The following LSP1 variants were observed in gnomAD, a reference collection of about 807,000 sequenced individuals.
LSP1 encodes the protein lymphocyte-specific protein 1.
In LSP1, 32 loss-of-function variants were observed where a neutral mutation model predicts 49.3. That is an observed-to-expected ratio of 0.65 (90% CI 0.49 to 0.87). The LOEUF is 0.87. Among genes scored for constraint, LSP1 ranks in the 40% least tolerant of loss-of-function variants. LSP1 has a pLI of 0.00. For missense variants in LSP1, 428 were observed against 442.6 expected (o/e 0.97, Z 0.30); for synonymous variants, 179 against 178.8 (o/e 1.00, Z -0.01).
intron 1 of LSP1, among the ~76,000 whole-genome samples, chr11:1,855,430 G>C (rs1431322484): frequency 6.6e-6 from 1 of 152,146 alleles, no homozygotes; most frequent in Non-Finnish European, 1.5e-5. Flanking sequence ...TCAACACTAG[G>C]TCCAGGGCAG....
In LSP1 at chr11:1,855,431, T is replaced by C. The variant is rs567014512; in HGVS notation, c.53+2234T>C. Among the ~76,000 whole-genome samples, 11 of 152,208 alleles carry C rather than the reference T, an allele frequency of 7.2e-5. No individual in the cohort carries two copies. The South Asian group carries it at 1.7e-3, about 23-fold the overall frequency. On this transcript the variant is annotated intron_variant, in intron 1 of 10. Coordinates refer to ENST00000311604, the MANE Select transcript of LSP1 (RefSeq NM_002339.3). ...CTCAGGACATGCCCTCAACACTAGGTCCAGGGCAGGCCAAGCCCCTCCAGC... is the reference window on the plus strand; with the variant it reads ...CTCAGGACATGCCCTCAACACTAGGCCCAGGGCAGGCCAAGCCCCTCCAGC...
At chr11:1,864,171 C>A (rs145042829) in intron 1 of LSP1, 2 of 982,718 alleles carry the variant, frequency 2.0e-6, no homozygotes, top group Non-Finnish European at 2.4e-6. Flanking sequence ...GGGCTGAGTG[C>A]GAGACGGGGA....
At chr11:1,880,528 A>T in intron 2 of LSP1, 1 of 288,792 alleles carries the variant, frequency 3.5e-6, no homozygotes, top group Non-Finnish European at 6.4e-6. Flanking sequence ...CGAGCCCCCC[A>T]CCAGACTCCC....
chr11:1,855,464 G>C (rs750438945), intron 1 of LSP1, among the ~76,000 whole-genome samples: 4 of 152,202 alleles, frequency 2.6e-5, no homozygotes, highest in Non-Finnish European at 5.9e-5. Flanking sequence ...AGCTGGACAA[G>C]TGGGTCCAGC....
intron 1 of LSP1, chr11:1,866,421 G>A (rs539629614): frequency 2.5e-4 from 361 of 1,434,496 alleles, no homozygotes; most frequent in South Asian, 7.8e-4. Flanking sequence ...AGGGCAGCCC[G>A]GCTCACCCCT....
chr11:1,855,125 G>A (rs1847455821), intron 1 of LSP1, among the ~76,000 whole-genome samples: 1 of 152,198 alleles, frequency 6.6e-6, no homozygotes, highest in Non-Finnish European at 1.5e-5. Flanking sequence ...CCCGCGAATT[G>A]CATGGGGTGC....
intron 1 of LSP1, chr11:1,868,635 C>T: frequency 2.0e-6 from 2 of 984,868 alleles, no homozygotes; most frequent in Non-Finnish European, 2.4e-6. Context: ...CCCATCCAGG[C>T]CTGAGATCCT....
chr11:1,884,628 C>A lies in LSP1; in HGVS notation c.717+47C>A. ...CTGTCAGGTCCCTCCTGCATCCTGG[C>A]ACCATTCCTTCATCCAACCAACGCC... On this transcript the variant is annotated intron_variant, in intron 7 of 10. Coordinates refer to ENST00000311604, the MANE Select transcript of LSP1 (RefSeq NM_002339.3). This position sits in a 1 kb window ranked among gnomAD's most constrained non-coding sequence, Gnocchi z 4.1. The A allele has an allele frequency of 6.6e-7, 1 of 1,526,290 alleles. No individual in the cohort carries two copies. Among genetic ancestry groups the A allele is most frequent in the Non-Finnish European group, 9.1e-7 (1 of 1,102,144 alleles). 94.5% of individuals were successfully genotyped at this position (1,526,290 alleles called of 1,614,324 possible). A position where few individuals can be genotyped will look rare whatever the true frequency, so the allele number is the denominator to read the frequency against.
chr11:1,860,999 A>G (rs948678692), intron 1 of LSP1, among the ~76,000 whole-genome samples: 3 of 152,186 alleles, frequency 2.0e-5, no homozygotes, highest in African/African-American at 7.2e-5. Context: ...GATGAGTAGA[A>G]AGATAGATAG....
chr11:1,864,186 G>A, intron 1 of LSP1: 1 of 987,008 alleles, frequency 1.0e-6, no homozygotes, highest in Non-Finnish European at 1.2e-6. Flanking sequence ...CGGGGAAGGA[G>A]GGGACGGGAC....
At position 1,881,449 on chromosome 11, in the gene LSP1, C is replaced by T. The variant is rs765491711; in HGVS notation, c.209C>T (p.Ser70Leu). ...KQEMLLSLKPSEAPELDEDEG... is the reference protein window; with the variant it reads ...KQEMLLSLKPLEAPELDEDEG... ...ACCCTCAGCCTCAGCCTGAAGCCCT[C>T]GGAGGCCCCTGAACTGGATGAGGAC... The change falls in exon 3 of 11, where the codon TCG becomes TTG. Residue 70 changes from serine (S) to leucine (L), a missense_variant. Ser to Leu is a moderately radical substitution (Grantham distance 145). Transcript: ENST00000311604. The T allele has an allele frequency of 4.3e-5, 67 of 1,576,152 alleles. No homozygotes were observed. Among genetic ancestry groups the T allele is most frequent in the African/African-American group, 2.4e-4 (18 of 74,266 alleles).
At chr11:1,857,734 T>G (rs1378667936) in intron 1 of LSP1, among the ~76,000 whole-genome samples, 2 of 152,178 alleles carry the variant, frequency 1.3e-5, no homozygotes, top group African/African-American at 4.8e-5. Flanking sequence ...AAGCGTTCAC[T>G]CCATGCCAGT....
intron 1 of LSP1, among the ~76,000 whole-genome samples, chr11:1,861,187 T>G (rs1847619840): frequency 2.6e-5 from 4 of 152,210 alleles, no homozygotes; most frequent in South Asian, 2.1e-4. Context: ...CTTTCATATA[T>G]AAAGACCCAA....
At chr11:1,878,464 C>A (rs1848401968) in intron 1 of LSP1, among the ~76,000 whole-genome samples, 1 of 151,838 alleles carries the variant, frequency 6.6e-6, no homozygotes, top group South Asian at 2.1e-4. Flanking sequence ...GCAGGACAGG[C>A]AGGCGGATTC....
intron 1 of LSP1, chr11:1,869,130 G>C: frequency 1.5e-5 from 8 of 539,628 alleles, no homozygotes; most frequent in East Asian, 1.3e-4. Context: ...CTTGGCCCCT[G>C]CCCCAGGCTC....
At chr11:1,865,041 CCAGGAGAGG>C (rs1847740477) in intron 1 of LSP1, 1 of 202,696 alleles carries the variant, frequency 4.9e-6, no homozygotes. Context: ...GTGAGAGGGG[CCAGGAGAGG>C]CAGGAAAGCC....
At chr11:1,870,931 G>C (rs75957079) in intron 1 of LSP1, 1 of 985,694 alleles carries the variant, frequency 1.0e-6, no homozygotes, top group Non-Finnish European at 1.2e-6. Context: ...CCCGAGGGCC[G>C]TCGAGCAAAG....
intron 1 of LSP1, among the ~76,000 whole-genome samples, chr11:1,858,468 C>A (rs1263221326): frequency 6.6e-6 from 1 of 152,252 alleles, no homozygotes; most frequent in Non-Finnish European, 1.5e-5. Context: ...TCCAGCCCAG[C>A]CCCGCCCAAA....
intron 7 of LSP1, among the ~76,000 whole-genome samples, chr11:1,886,393 CA>C (rs138745179): frequency 0.01 from 1,541 of 152,326 alleles, 35 homozygotes; most frequent in African/African-American, 0.036. Context: ...TCCATCCAAC[CA>C]ATACTCTGAA....
Sources: gnomAD v4.1 joint callset for allele counts (sites outside exome capture counted in the v4.1 genomes callset) on GRCh38, gnomAD v4.1.1 for gene constraint, Gnocchi (gnomAD v3.1) non-coding constraint, MANE v1.5 for transcripts, NCBI Gene and HGNC (gene_info 2026-07-23, HGNC 2026-07-21) for gene names.